KLF8: variants seen among roughly 807,000 people sequenced by gnomAD.
KLF8 encodes Krueppel-like factor 8.
KLF8 carries 10 observed loss-of-function variants against 18.2 expected under a neutral mutation model. The observed-to-expected ratio is 0.55, with a 90% confidence interval of 0.34 to 0.93. KLF8 has a LOEUF of 0.93. Ranked by LOEUF, KLF8 falls within the 40% of genes least tolerant of loss-of-function variation. KLF8 has a pLI of 0.02. For synonymous variants in KLF8, 109 were observed against 97.3 expected (o/e 1.12, Z -0.71); for missense variants, 264 against 277.9 (o/e 0.95, Z 0.36).
rs182936328 is a variant in KLF8 at position 56,289,598 on chromosome X, C to A, written c.*5104C>A. Among the ~76,000 whole-genome samples, 15 of 111,406 alleles carry A rather than the reference C, an allele frequency of 1.3e-4. No individual in the cohort carries two copies. Among genetic ancestry groups the A allele is most frequent in the African/African-American group, 4.6e-4 (14 of 30,630 alleles). ...TGATGTTTTCAACTCTAACCTGTTACCACGTGAATCATTCTAGCTTCTTCC... is the reference window on the plus strand; with the variant it reads ...TGATGTTTTCAACTCTAACCTGTTAACACGTGAATCATTCTAGCTTCTTCC... On this transcript the variant is annotated 3_prime_UTR_variant, in exon 6 of 6. Transcript: ENST00000468660.
the KLF8 span, among the ~76,000 whole-genome samples, chrX:56,015,622 C>T: frequency 9.6e-4 from 107 of 112,026 alleles, no homozygotes; most frequent in African/African-American, 3.4e-3. Context: ...CACTTTCTGA[C>T]CTGATTCTAG....
chrX:56,216,001 C>T, the KLF8 span, among the ~76,000 whole-genome samples: 2 of 108,226 alleles, frequency 1.8e-5, no homozygotes, highest in Non-Finnish European at 3.8e-5. Flanking sequence ...AATTGTTTCT[C>T]GGTGAACGAC....
At chrX:55,959,029 C>T in the KLF8 span, among the ~76,000 whole-genome samples, 2 of 112,006 alleles carry the variant, frequency 1.8e-5, no homozygotes, top group Admixed American at 9.5e-5. Flanking sequence ...ACTGTTGTTG[C>T]TGCAGGACTG....
Position 56,277,497 on chromosome X carries a change from C to T in KLF8, c.899-6816C>T, listed in dbSNP as rs147706132. 6.2e-3 allele frequency among the ~76,000 whole-genome samples: 691 copies of T among 112,009 alleles called. 1 individual carries two copies. Among genetic ancestry groups the T allele is most frequent in the Middle Eastern group, 0.014 (3 of 217 alleles). ...TCTTGTTCTTTTCTTTTACTTTATCCCAGACAAACAGTCTCTCTCTCTGTT... is the reference window on the plus strand; with the variant it reads ...TCTTGTTCTTTTCTTTTACTTTATCTCAGACAAACAGTCTCTCTCTCTGTT... On this transcript the variant is annotated intron_variant, in intron 5 of 5. Transcript: ENST00000468660.
At chrX:55,965,074 A>T in the KLF8 span, among the ~76,000 whole-genome samples, 1 of 111,589 alleles carries the variant, frequency 9.0e-6, no homozygotes, top group Non-Finnish European at 1.9e-5. Flanking sequence ...TCTTTCTGAT[A>T]CCAAAACCTG....
the KLF8 span, among the ~76,000 whole-genome samples, chrX:56,148,862 C>T: frequency 6.3e-5 from 7 of 111,843 alleles, no homozygotes; most frequent in African/African-American, 1.9e-4. Context: ...GAGATTATTA[C>T]AATTCAGGAT....
At chrX:56,266,022 TA>T in intron 3 of KLF8, 1 of 840,161 alleles carries the variant, frequency 1.2e-6, no homozygotes, top group Non-Finnish European at 1.5e-6. Flanking sequence ...TTAAATAATT[TA>T]AGCATTTTAT....
the KLF8 span, among the ~76,000 whole-genome samples, chrX:55,912,912 C>G: frequency 1.8e-5 from 2 of 111,680 alleles, no homozygotes; most frequent in African/African-American, 6.5e-5. Context: ...TGGGGCACAG[C>G]AAAATCAAGC....
At chrX:56,123,243 A>AAAAGAAAGAAAAAGAAAG in the KLF8 span, among the ~76,000 whole-genome samples, 2 of 94,158 alleles carry the variant, frequency 2.1e-5, no homozygotes, top group African/African-American at 4.4e-5. Flanking sequence ...CAAAAATAAA[A>AAAAGAAAGAAAAAGAAAG]AAAGAAAGAA....
chrX:55,953,345 T>C, the KLF8 span, among the ~76,000 whole-genome samples: 8 of 111,151 alleles, frequency 7.2e-5, no homozygotes, highest in African/African-American at 2.6e-4. Flanking sequence ...AGGAACCTTC[T>C]AAGAAGAGAT....
chrX:56,156,772 T>G, the KLF8 span, among the ~76,000 whole-genome samples: 2 of 96,553 alleles, frequency 2.1e-5, no homozygotes, highest in African/African-American at 7.5e-5. Flanking sequence ...TGTGCCCATG[T>G]GTTCGTATTG....
At chrX:55,962,913 G>A in the KLF8 span, among the ~76,000 whole-genome samples, 1 of 112,601 alleles carries the variant, frequency 8.9e-6, no homozygotes, top group Non-Finnish European at 1.9e-5. Context: ...TGAACAGTCA[G>A]CACTGTGTCT....
the KLF8 span, among the ~76,000 whole-genome samples, chrX:55,909,059 TCCTC>T: frequency 9.0e-6 from 1 of 111,124 alleles, no homozygotes; most frequent in Non-Finnish European, 1.9e-5. Context: ...AGCCTCGACT[TCCTC>T]CCTCCTGGCA....
chrX:56,166,443 A>T, the KLF8 span, among the ~76,000 whole-genome samples: 1 of 111,845 alleles, frequency 8.9e-6, no homozygotes, highest in Admixed American at 9.6e-5. Context: ...GAAGGCACAT[A>T]ATGTCTTCAT....
chrX:56,243,104 T>C (rs1189516837), intron 1 of KLF8: 13 of 526,271 alleles, frequency 2.5e-5, no homozygotes, highest in Non-Finnish European at 4.5e-5. Flanking sequence ...GGCTTTAACA[T>C]CCACAATGAA....
chrX:55,990,124 A>T, the KLF8 span, among the ~76,000 whole-genome samples: 1 of 111,413 alleles, frequency 9.0e-6, no homozygotes, highest in East Asian at 2.8e-4. Context: ...CTAGTGATCT[A>T]TCAATTTTGT....
the KLF8 span, among the ~76,000 whole-genome samples, chrX:56,030,441 A>G: frequency 8.9e-6 from 1 of 111,854 alleles, no homozygotes; most frequent in Admixed American, 9.5e-5. Flanking sequence ...ATGAGTCTGT[A>G]TAATAGTTTG....
the KLF8 span, among the ~76,000 whole-genome samples, chrX:56,006,715 G>A: frequency 1.8e-5 from 2 of 112,162 alleles, no homozygotes; most frequent in Non-Finnish European, 3.8e-5. Flanking sequence ...AGTTTTTTTG[G>A]TATCTTAGTA....
the KLF8 span, among the ~76,000 whole-genome samples, chrX:56,177,747 C>T: frequency 9.0e-6 from 1 of 111,590 alleles, no homozygotes; most frequent in African/African-American, 3.3e-5. Context: ...AGGTGGGCTC[C>T]ACCCTGTTCT....
Sources: allele counts gnomAD v4.1 joint callset (sites outside exome capture counted in the v4.1 genomes callset), GRCh38; gene constraint gnomAD v4.1.1; transcripts MANE v1.5; gene names NCBI Gene and HGNC (gene_info 2026-07-23, HGNC 2026-07-21).